The following PTPN22 variants were observed in gnomAD, a reference collection of about 807,000 sequenced individuals.
PTPN22 encodes protein tyrosine phosphatase non-receptor type 22.
PTPN22 carries 85 observed loss-of-function variants against 103.3 expected under a neutral mutation model. The ratio of observed to expected loss-of-function variants is 0.82; its 90% CI spans 0.69 to 0.99. The LOEUF (loss-of-function observed/expected upper bound fraction) is 0.99. Ranked by LOEUF, PTPN22 falls within the 50% of genes least tolerant of loss-of-function variation. The pLI is 0.00. For missense variants in PTPN22, 865 were observed against 936.9 expected (o/e 0.92, Z 1.00); for synonymous variants, 323 against 310.2 (o/e 1.04, Z -0.43).
chr1:113,817,446 T>C (rs1038605330), intron 20 of PTPN22, among the ~76,000 whole-genome samples: 1 of 151,976 alleles, frequency 6.6e-6, no homozygotes, highest in Admixed American at 6.6e-5. Flanking sequence ...ATTTTTGGGT[T>C]TTTTTTTCCA....
chr1:113,871,184 T>C (rs925559062), intron 1 of PTPN22, among the ~76,000 whole-genome samples: 1 of 152,228 alleles, frequency 6.6e-6, no homozygotes, highest in African/African-American at 2.4e-5. Flanking sequence ...TTCTTCTTAA[T>C]ATTAATTAAA....
intron 5 of PTPN22, 168 bp from the exon 6 acceptor site, chr1:113,856,787 A>C (rs1665120940): frequency 5.2e-6 from 4 of 774,408 alleles, no homozygotes; most frequent in Admixed American, 5.9e-5. Context: ...ATGGGAAAAC[A>C]AACATTAAAG....
rs933803246 is a variant in PTPN22, at chr1:113,824,867, A to T, written c.2281+275T>A. On this transcript the variant is annotated intron_variant, in intron 19 of 20. Coordinates refer to ENST00000359785, the Ensembl canonical transcript of PTPN22. ...AATAAATTTTAAAAATAAATTTAAA[A>T]TTTTTTTAATGCCATTGTACTAATT... 4.0e-5 allele frequency among the ~76,000 whole-genome samples: 6 copies of T among 149,416 alleles called. No homozygotes were observed. The South Asian group carries it at 6.4e-4, about 16-fold the overall frequency.
chr1:113,849,359 A>G (rs1392742165), intron 10 of PTPN22, among the ~76,000 whole-genome samples: 1 of 152,186 alleles, frequency 6.6e-6, no homozygotes, highest in East Asian at 1.9e-4. Flanking sequence ...AGTTATTACT[A>G]CTCTGTTTTT....
At chr1:113,870,172 A>T (rs547586812) in intron 1 of PTPN22, among the ~76,000 whole-genome samples, 1 of 152,310 alleles carries the variant, frequency 6.6e-6, no homozygotes, top group South Asian at 2.1e-4. Context: ...ACATTTAATG[A>T]TTGTTATTGA....
At chr1:113,856,649 C>T (rs978699019) in intron 5 of PTPN22, 30 bp from the exon 6 acceptor site, 20 of 1,613,838 alleles carry the variant, frequency 1.2e-5, no homozygotes, top group Non-Finnish European at 1.6e-5. Context: ...ACAGTGATTT[C>T]CCTCCATATA....
At chr1:113,848,515 A>T in intron 11 of PTPN22, 25 bp downstream of exon 11, 1 of 1,608,454 alleles carries the variant, frequency 6.2e-7, no homozygotes, top group Non-Finnish European at 8.5e-7. Flanking sequence ...AATTTTTTTG[A>T]CATAATATCT....
chr1:113,861,114 C>A (rs188493651), intron 1 of PTPN22, among the ~76,000 whole-genome samples: 1 of 152,180 alleles, frequency 6.6e-6, no homozygotes, highest in African/African-American at 2.4e-5. Context: ...AAACATCACA[C>A]AGGAAATGCC....
intron 11 of PTPN22, among the ~76,000 whole-genome samples, chr1:113,846,034 C>T (rs1357329068): frequency 6.6e-6 from 1 of 152,156 alleles, no homozygotes. Context: ...TTCTCATAGA[C>T]AACATATAGT....
At chr1:113,836,312 T>C (rs994718061) in intron 13 of PTPN22, among the ~76,000 whole-genome samples, 3 of 152,232 alleles carry the variant, frequency 2.0e-5, no homozygotes, top group Non-Finnish European at 4.4e-5. Flanking sequence ...TGCTCATTTC[T>C]ACTTTCAAAC....
chr1:113,834,955 G>T, exon 14 of PTPN22: 1 of 1,573,118 alleles, frequency 6.4e-7, no homozygotes, highest in Non-Finnish European at 8.6e-7. Context: ...CATACAGGAA[G>T]TGGAGGGGGG....
In PTPN22 at chr1:113,862,680, G is replaced by T. The variant is rs113672349; in HGVS notation, c.88-3220C>A. On this transcript the variant is annotated intron_variant, in intron 1 of 20. Coordinates refer to ENST00000359785, the Ensembl canonical transcript of PTPN22. ...GCATTTTAGATACATTTTAGGGAGA[G>T]GAAAATTAAACTTGGCCCTCCTGTG... 4.4e-3 allele frequency among the ~76,000 whole-genome samples: 665 copies of T among 152,274 alleles called. 2 individuals carry two copies. Among genetic ancestry groups the T allele is most frequent in the African/African-American group, 0.015 (640 of 41,556 alleles).
chr1:113,855,097 AAC>A (rs377434255), intron 7 of PTPN22, 48 bp from the exon 8 acceptor site: 6 of 1,514,144 alleles, frequency 4.0e-6, no homozygotes, highest in African/African-American at 2.7e-5. Context: ...AGGGCTGAAA[AAC>A]CACCTATTGG....
chr1:113,852,427 G>T (rs1208684905), intron 9 of PTPN22, among the ~76,000 whole-genome samples: 1 of 152,158 alleles, frequency 6.6e-6, no homozygotes, highest in Admixed American at 6.5e-5. Flanking sequence ...GAGGTTGGTA[G>T]GTAGGTCTAA....
intron 3 of PTPN22, 24 bp from the exon 4 acceptor site, chr1:113,858,597 G>C: frequency 1.4e-6 from 2 of 1,424,454 alleles, no homozygotes; most frequent in Non-Finnish European, 1.9e-6. Flanking sequence ...GAAATTACAC[G>C]GGGTGACTAC....
At chr1:113,868,563 G>T (rs1450041540) in intron 1 of PTPN22, among the ~76,000 whole-genome samples, 1 of 152,148 alleles carries the variant, frequency 6.6e-6, no homozygotes, top group Non-Finnish European at 1.5e-5. Context: ...GGAGCTGAGA[G>T]GAAGACTCTA....
At chr1:113,863,928 T>TA (rs988689386) in intron 1 of PTPN22, among the ~76,000 whole-genome samples, 15 of 80,448 alleles carry the variant, frequency 1.9e-4, no homozygotes, top group South Asian at 7.0e-4. Context: ...TATATATATA[T>TA]TTTTTTTTGA....
At chr1:113,864,402 A>G (rs1200369934) in intron 1 of PTPN22, 6 of 230,824 alleles carry the variant, frequency 2.6e-5, no homozygotes, top group Admixed American at 5.6e-5. Context: ...GAAAAAAAAA[A>G]AAAGAAAGAA....
chr1:113,828,029 G>T (rs1209112440), intron 18 of PTPN22, among the ~76,000 whole-genome samples: 1 of 152,060 alleles, frequency 6.6e-6, no homozygotes, highest in African/African-American at 2.4e-5. Context: ...AATATATAAA[G>T]GGCATACCAT....
Sources: gnomAD v4.1 joint callset for allele counts (sites outside exome capture counted in the v4.1 genomes callset) on GRCh38, gnomAD v4.1.1 for gene constraint, MANE v1.5 for transcripts, NCBI Gene and HGNC (gene_info 2026-07-23, HGNC 2026-07-21) for gene names.